PPP2R1B: variants seen among roughly 807,000 people sequenced by gnomAD.
PPP2R1B encodes the protein protein phosphatase 2 scaffold subunit Abeta, also known as serine/threonine-protein phosphatase 2A 65 kDa regulatory subunit A beta isoform.
A neutral mutation model predicts 72.7 loss-of-function variants in PPP2R1B; 58 were observed. That is an observed-to-expected ratio of 0.80 (90% CI 0.65 to 0.99). The LOEUF is 0.99. Among genes scored for constraint, PPP2R1B ranks in the 50% least tolerant of loss-of-function variants. The probability of loss-of-function intolerance (pLI) is 0.00; values close to 1 mark genes in which losing one functional copy is unlikely to be tolerated. For missense variants in PPP2R1B, 695 were observed against 733.6 expected (o/e 0.95, Z 0.61); for synonymous variants, 256 against 264.6 (o/e 0.97, Z 0.32).
chr11:111,766,164 A>AC, intron 1 of PPP2R1B, 84 bp downstream of exon 1: 1 of 1,364,752 alleles, frequency 7.3e-7, no homozygotes, highest in Non-Finnish European at 1.0e-6. Context: ...TACCTCGGCC[A>AC]CCCCCACCGC....
intron 10 of PPP2R1B, among the ~76,000 whole-genome samples, chr11:111,751,694 T>C (rs1352581899): frequency 7.9e-5 from 12 of 152,182 alleles, no homozygotes; most frequent in African/African-American, 2.9e-4. Flanking sequence ...TATGCACTAA[T>C]AGGCCAGATG....
chr11:111,720,558 C>T, the PPP2R1B span: 13 of 1,614,138 alleles, frequency 8.1e-6, no homozygotes, highest in African/African-American at 9.3e-5. Flanking sequence ...TCAGAGGGAC[C>T]TGAACTTTCT....
At chr11:111,742,686 G>A (rs777333500) in intron 12 of PPP2R1B, 21 bp from the exon 13 acceptor site, 2 of 1,574,024 alleles carry the variant, frequency 1.3e-6, no homozygotes, top group East Asian at 4.5e-5. Context: ...AAGTAAGATG[G>A]CACATTTAAA....
At chr11:111,749,310 A>T (rs1565450941) in intron 10 of PPP2R1B, among the ~76,000 whole-genome samples, 1 of 147,006 alleles carries the variant, frequency 6.8e-6, no homozygotes, top group Non-Finnish European at 1.5e-5. Context: ...TCGAGACGGA[A>T]TCTCTCTCTG....
At chr11:111,741,885 TG>T in intron 14 of PPP2R1B, 167 bp downstream of exon 14, 3 of 760,560 alleles carry the variant, frequency 3.9e-6, no homozygotes, top group Non-Finnish European at 6.8e-6. Flanking sequence ...GAGAAAATGG[TG>T]GGCCAAGAGG....
At chr11:111,755,740 C>G (rs1025502022) in intron 5 of PPP2R1B, among the ~76,000 whole-genome samples, 1 of 151,958 alleles carries the variant, frequency 6.6e-6, no homozygotes, top group East Asian at 1.9e-4. Context: ...CAGGCAGGAG[C>G]CACCACGCCC....
the PPP2R1B span, among the ~76,000 whole-genome samples, chr11:111,711,973 C>T: frequency 4.4e-4 from 67 of 152,324 alleles, no homozygotes; most frequent in African/African-American, 1.6e-3. Context: ...GTCAAGCATC[C>T]CCTCATGAGG....
At chr11:111,752,639 C>T (rs1944951668) in intron 9 of PPP2R1B, among the ~76,000 whole-genome samples, 1 of 152,164 alleles carries the variant, frequency 6.6e-6, no homozygotes, top group Admixed American at 6.5e-5. Flanking sequence ...AGACCTTGCT[C>T]AAGTTACTTT....
chr11:111,688,021 C>G, the PPP2R1B span: 2 of 1,614,020 alleles, frequency 1.2e-6, no homozygotes, highest in South Asian at 2.2e-5. The surrounding 1 kb of genome is among the most constrained non-coding windows in gnomAD (Gnocchi z 4.2). Flanking sequence ...TAATCATGGC[C>G]GGTTAAATGA....
At chr11:111,690,166 A>C in the PPP2R1B span, among the ~76,000 whole-genome samples, 6 of 146,604 alleles carry the variant, frequency 4.1e-5, no homozygotes, top group East Asian at 1.2e-3. Context: ...CATTTATTTC[A>C]CTCTTTTTTG....
chr11:111,706,900 A>C, the PPP2R1B span, among the ~76,000 whole-genome samples: 2,310 of 150,932 alleles, frequency 0.015, 41 homozygotes, highest in Middle Eastern at 0.058. Context: ...GCAGAGGTTG[A>C]AGTGAGCCGA....
chr11:111,749,874 T>C (rs1356345900), intron 10 of PPP2R1B, among the ~76,000 whole-genome samples: 1 of 152,178 alleles, frequency 6.6e-6, no homozygotes, highest in Non-Finnish European at 1.5e-5. Context: ...TGGGAAACTT[T>C]CCAGGTCTAG....
At chr11:111,693,269 G>A in the PPP2R1B span, among the ~76,000 whole-genome samples, 1 of 152,034 alleles carries the variant, frequency 6.6e-6, no homozygotes. Flanking sequence ...GGGAGTCAGA[G>A]GTTGCAGTGA....
chr11:111,733,144 T>C (rs571926894), downstream of PPP2R1B, among the ~76,000 whole-genome samples: 188 of 152,322 alleles, frequency 1.2e-3, no homozygotes, highest in Middle Eastern at 3.4e-3. Flanking sequence ...GGCAGAGAGC[T>C]TGCCAGGCGC....
chr11:111,742,361 T>C (rs1944553197), intron 13 of PPP2R1B, 162 bp downstream of exon 13: 2 of 838,772 alleles, frequency 2.4e-6, no homozygotes, highest in African/African-American at 1.7e-5. Flanking sequence ...ATAAAAGTCA[T>C]AGTGGACATC....
chr11:111,762,553 CT>C (rs11431567), intron 3 of PPP2R1B, among the ~76,000 whole-genome samples: 266 of 136,134 alleles, frequency 2.0e-3, no homozygotes, highest in Admixed American at 2.4e-3. Context: ...TCCAGCAGTT[CT>C]TTTTTTTTTT....
intron 11 of PPP2R1B, among the ~76,000 whole-genome samples, chr11:111,745,470 G>A (rs1268438596): frequency 6.6e-6 from 1 of 152,134 alleles, no homozygotes; most frequent in East Asian, 1.9e-4. Flanking sequence ...CCTTGACCAA[G>A]ACCTTAACTG....
the PPP2R1B span, among the ~76,000 whole-genome samples, chr11:111,695,674 G>A: frequency 6.6e-6 from 1 of 152,172 alleles, no homozygotes; most frequent in African/African-American, 2.4e-5. Flanking sequence ...ATCCCTAAAT[G>A]TACTGAGTCA....
the PPP2R1B span, among the ~76,000 whole-genome samples, chr11:111,699,782 A>G: frequency 2.0e-5 from 3 of 152,220 alleles, no homozygotes; most frequent in Non-Finnish European, 4.4e-5. Context: ...CCTGCTGACT[A>G]AGTGTATTTA....
Sources: gnomAD v4.1 joint callset for allele counts (sites outside exome capture counted in the v4.1 genomes callset) on GRCh38, gnomAD v4.1.1 for gene constraint, Gnocchi (gnomAD v3.1) non-coding constraint, MANE v1.5 for transcripts, NCBI Gene and HGNC (gene_info 2026-07-23, HGNC 2026-07-21) for gene names.